NFIB: variants seen among roughly 807,000 people sequenced by gnomAD.
NFIB encodes the protein nuclear factor 1 B-type.
Under a neutral mutation model 61.5 loss-of-function variants are expected in NFIB, and 11 were observed. The ratio of observed to expected loss-of-function variants is 0.18; its 90% CI spans 0.11 to 0.30. The LOEUF is 0.30. Among genes scored for constraint, NFIB ranks in the 10% least tolerant of loss-of-function variants. NFIB has a pLI of 1.00. For synonymous variants in NFIB, 260 were observed against 216.5 expected (o/e 1.20, Z -1.76); for missense variants, 471 against 608.9 (o/e 0.77, Z 2.38).
chr9:14,303,860 CTT>C (rs1019299330), intron 2 of NFIB, among the ~76,000 whole-genome samples: 11 of 152,234 alleles, frequency 7.2e-5, no homozygotes, highest in African/African-American at 2.4e-4. Flanking sequence ...CATCAAATGA[CTT>C]TATGGATTTA....
intron 6 of NFIB, among the ~76,000 whole-genome samples, chr9:14,142,256 T>G (rs2041815530): frequency 1.3e-5 from 2 of 152,264 alleles, no homozygotes; most frequent in South Asian, 2.1e-4. Flanking sequence ...CCTGTGTTGT[T>G]CTCGTGATAG....
At chr9:14,325,357 G>A (rs1002396303) in intron 1 of NFIB, among the ~76,000 whole-genome samples, 57 of 152,152 alleles carry the variant, frequency 3.7e-4, no homozygotes, top group African/African-American at 1.3e-3. Flanking sequence ...TACACTTGCA[G>A]TTAAGATTTT....
intron 2 of NFIB, among the ~76,000 whole-genome samples, chr9:14,197,337 G>T (rs1346871316): frequency 6.8e-6 from 1 of 147,606 alleles, no homozygotes; most frequent in East Asian, 2.0e-4. Flanking sequence ...TGGGGTATTA[G>T]AACAATGAAT....
chr9:14,331,854 T>C (rs544020185), intron 1 of NFIB, among the ~76,000 whole-genome samples: 2 of 152,326 alleles, frequency 1.3e-5, no homozygotes, highest in South Asian at 2.1e-4. Context: ...TTCTGAAACA[T>C]AGTCCTTTCT....
intron 1 of NFIB, among the ~76,000 whole-genome samples, chr9:14,344,217 C>A (rs988355161): frequency 3.1e-4 from 47 of 151,636 alleles, no homozygotes; most frequent in African/African-American, 1.1e-3. Context: ...TAGCCAGACC[C>A]CAAGAGAGGC....
intron 2 of NFIB, among the ~76,000 whole-genome samples, chr9:14,291,150 A>C (rs2059068286): frequency 6.6e-6 from 1 of 152,062 alleles, no homozygotes; most frequent in Non-Finnish European, 1.5e-5. Context: ...CACACAGGGC[A>C]TTTCTAAAAC....
At chr9:14,363,875 A>G (rs942031311) in intron 1 of NFIB, among the ~76,000 whole-genome samples, 7 of 152,196 alleles carry the variant, frequency 4.6e-5, no homozygotes, top group Admixed American at 3.3e-4. Flanking sequence ...GTAAAAACTT[A>G]TCATCTTTTT....
chr9:14,144,086 G>A (rs2042041800), intron 6 of NFIB, among the ~76,000 whole-genome samples: 1 of 149,286 alleles, frequency 6.7e-6, no homozygotes, highest in African/African-American at 2.5e-5. Context: ...AACATAATAT[G>A]CCTTTACAGA....
intron 1 of NFIB, among the ~76,000 whole-genome samples, chr9:14,310,658 G>A (rs1055925287): frequency 6.6e-6 from 1 of 152,074 alleles, no homozygotes; most frequent in Non-Finnish European, 1.5e-5. Context: ...ACATATAAGT[G>A]ATTTAAAACC....
intron 1 of NFIB, among the ~76,000 whole-genome samples, chr9:14,346,375 T>C (rs1049051390): frequency 6.8e-6 from 1 of 146,946 alleles, no homozygotes; most frequent in Non-Finnish European, 1.5e-5. Context: ...GGGCGTCATC[T>C]GCCACGTGTG....
At chr9:14,448,530 G>C in the NFIB span, among the ~76,000 whole-genome samples, 1 of 152,230 alleles carries the variant, frequency 6.6e-6, no homozygotes, top group African/African-American at 2.4e-5. Flanking sequence ...TTGGGATGGA[G>C]AAGGTGCTAT....
intron 2 of NFIB, among the ~76,000 whole-genome samples, chr9:14,205,753 A>G (rs1481702931): frequency 6.6e-6 from 1 of 152,240 alleles, no homozygotes; most frequent in Admixed American, 6.5e-5. Context: ...GGTATTCATC[A>G]TAGTGCTTAT....
intron 10 of NFIB, among the ~76,000 whole-genome samples, chr9:14,106,926 A>G (rs954820157): frequency 5.9e-5 from 9 of 152,234 alleles, no homozygotes; most frequent in East Asian, 5.8e-4. Flanking sequence ...CCAATAAACC[A>G]TTAAACTGTG....
chr9:14,204,716 G>T, intron 2 of NFIB: 1 of 599,988 alleles, frequency 1.7e-6, no homozygotes. Flanking sequence ...GGTGGTGATT[G>T]CATACAACAT....
At chr9:14,406,154 A>C in the NFIB span, among the ~76,000 whole-genome samples, 1 of 152,198 alleles carries the variant, frequency 6.6e-6, no homozygotes, top group South Asian at 2.1e-4. Context: ...AGGAGCTATG[A>C]AGACCAATGG....
the NFIB span, among the ~76,000 whole-genome samples, chr9:14,433,952 G>T: frequency 1.3e-5 from 2 of 152,144 alleles, no homozygotes; most frequent in Non-Finnish European, 2.9e-5. Context: ...CCGTGACTCG[G>T]ATTCGAACCG....
chr9:14,513,029 G>C, the NFIB span, among the ~76,000 whole-genome samples: 1 of 150,564 alleles, frequency 6.6e-6, no homozygotes, highest in Non-Finnish European at 1.5e-5. Context: ...CTAGACCCAA[G>C]TTTTTGTAGC....
At chr9:14,289,562 TAC>T (rs199893339) in intron 2 of NFIB, among the ~76,000 whole-genome samples, 1,958 of 151,526 alleles carry the variant, frequency 0.013, 53 homozygotes, top group African/African-American at 0.043. Context: ...TAGATAGATA[TAC>T]ACACACACAC....
chr9:14,295,114 T>C (rs904977490), intron 2 of NFIB, among the ~76,000 whole-genome samples: 1 of 152,228 alleles, frequency 6.6e-6, no homozygotes, highest in Admixed American at 6.5e-5. Flanking sequence ...ACTTATTTCC[T>C]ACGGAGCTCA....
Sources: gnomAD v4.1 joint callset for allele counts (sites outside exome capture counted in the v4.1 genomes callset) on GRCh38, gnomAD v4.1.1 for gene constraint, MANE v1.5 for transcripts, NCBI Gene and HGNC (gene_info 2026-07-23, HGNC 2026-07-21) for gene names.